Variants in PRPF6 observed in about 807,000 individuals in gnomAD.
PRPF6 encodes pre-mRNA processing factor 6, also known as pre-mRNA-processing factor 6.
Under a neutral mutation model 118.3 loss-of-function variants are expected in PRPF6, and 42 were observed. The ratio of observed to expected loss-of-function variants is 0.35; its 90% CI spans 0.28 to 0.46. The LOEUF is 0.46. PRPF6 is among the 20% of genes least tolerant of loss of function. The pLI is 1.00. For missense variants in PRPF6, 662 were observed against 1,255.7 expected (o/e 0.53, Z 7.15); for synonymous variants, 481 against 485.1 (o/e 0.99, Z 0.11).
chr20:64,028,493 G>T lies in PRPF6; in HGVS notation c.2355G>T (p.Arg785=), dbSNP rs2059301390. 1 of 1,613,914 alleles carries T rather than the reference G, an allele frequency of 6.2e-7. No individual in the cohort carries two copies. Among genetic ancestry groups the T allele is most frequent in the Non-Finnish European group, 8.5e-7 (1 of 1,180,002 alleles). ...GTCTCCTCAGGTTGGAGTCCGTGCG[G>T]CTGGAGTACCGTGCGGGGCTGAAGA... ...KNPGLWLESV[R]LEYRAGLKNI... is the part of the protein sequence containing the mutation. Residue 785 remains arginine (R), a synonymous_variant, in exon 18 of 21, where the codon CGG becomes CGT. Transcript: ENST00000266079. This position sits in a 1 kb window ranked among gnomAD's most constrained non-coding sequence, Gnocchi z 6.5.
At chr20:63,987,680 T>C (rs2059100720) in intron 3 of PRPF6, among the ~76,000 whole-genome samples, 1 of 152,368 alleles carries the variant, frequency 6.6e-6, no homozygotes, top group Non-Finnish European at 1.5e-5. Context: ...TGTTTGCAGA[T>C]GATATGATCT....
chr20:63,990,374 A>G (rs777915527), intron 3 of PRPF6, among the ~76,000 whole-genome samples: 6 of 152,024 alleles, frequency 3.9e-5, no homozygotes, highest in East Asian at 1.9e-4. Context: ...ACATAAGTCA[A>G]TGTGCCTGGC....
chr20:63,993,339 G>T, intron 3 of PRPF6, 68 bp from the exon 4 acceptor site: 2 of 1,133,976 alleles, frequency 1.8e-6, no homozygotes, highest in Admixed American at 1.8e-5. Context: ...ATTTAATTGA[G>T]ATGGATAATA....
chr20:64,023,804 G>T (rs567308669), intron 13 of PRPF6, among the ~76,000 whole-genome samples: 3 of 152,324 alleles, frequency 2.0e-5, no homozygotes, highest in African/African-American at 7.2e-5. Context: ...CCCGTGACCT[G>T]AATATGAACT....
intron 3 of PRPF6, among the ~76,000 whole-genome samples, chr20:63,986,109 G>A (rs1256148596): frequency 6.6e-6 from 1 of 152,012 alleles, no homozygotes; most frequent in African/African-American, 2.4e-5. Flanking sequence ...CGAGGTGGGC[G>A]GATGATGGGT....
At position 63,995,817 on chromosome 20, in the gene PRPF6, C is replaced by T. The variant is rs542531022; in HGVS notation, c.771+335C>T. Among the ~76,000 whole-genome samples the T allele has an allele frequency of 2.6e-3, 400 of 151,876 alleles. 2 individuals carry two copies. Among genetic ancestry groups the T allele is most frequent in the African/African-American group, 9.3e-3 (386 of 41,428 alleles). On this transcript the variant is annotated intron_variant, in intron 6 of 20. Coordinates refer to ENST00000266079, the MANE Select transcript of PRPF6 (RefSeq NM_012469.4). ...GATTACAGGTGCCCACCACCACACC[C>T]GGCTAATTTTTGTATTTTTTGTAGA...
At chr20:63,997,350 G>T (rs2059145112) in intron 6 of PRPF6, among the ~76,000 whole-genome samples, 1 of 149,040 alleles carries the variant, frequency 6.7e-6, no homozygotes, top group South Asian at 2.1e-4. Context: ...GAGTTCAATG[G>T]CATGGTCTTG....
rs1357213605 is a variant in PRPF6, at chr20:64,027,583, C to G, written c.2206-20C>G. On this transcript the variant is annotated intron_variant, in intron 16 of 20. Coordinates refer to ENST00000266079, the MANE Select transcript of PRPF6 (RefSeq NM_012469.4). This position sits in a 1 kb window ranked among gnomAD's most constrained non-coding sequence, Gnocchi z 6.5. The stretch of plus-strand genomic sequence containing the variant: ...CTTCATAGACACCACCTGAGCTGCT[C>G]TCTTACTTGTTGGTTGCAGTTGAAG... 2.5e-6 allele frequency: 4 copies of G among 1,614,078 alleles called. No homozygotes were observed. The highest frequency in any genetic ancestry group is 1.3e-5 in the African/African-American group (1 of 75,060).
intron 9 of PRPF6, among the ~76,000 whole-genome samples, chr20:64,003,541 GA>G (rs1365159993): frequency 3.3e-5 from 5 of 152,178 alleles, no homozygotes; most frequent in Non-Finnish European, 7.3e-5. Flanking sequence ...TTCCTCTGTC[GA>G]GGCTGGTTTC....
chr20:63,991,732 G>C (rs2059119622), intron 3 of PRPF6, among the ~76,000 whole-genome samples: 1 of 152,042 alleles, frequency 6.6e-6, no homozygotes. Context: ...GGAGGTTGCA[G>C]TGAGCTGAGA....
At chr20:63,982,263 C>T (rs949788998) in intron 1 of PRPF6, among the ~76,000 whole-genome samples, 4 of 152,138 alleles carry the variant, frequency 2.6e-5, no homozygotes, top group African/African-American at 9.7e-5. Flanking sequence ...ATCTCTGCCC[C>T]CCGGGTTCAA....
intron 9 of PRPF6, among the ~76,000 whole-genome samples, chr20:64,002,492 T>C (rs6062604): frequency 0.75 from 113,460 of 151,500 alleles, 43,574 homozygotes; most frequent in East Asian, 0.96. Flanking sequence ...TGCGCCTCCA[T>C]GCCTGGCCAA....
chr20:64,030,837 G>A (rs1361614858), intron 19 of PRPF6, among the ~76,000 whole-genome samples: 5 of 152,206 alleles, frequency 3.3e-5, no homozygotes, highest in Non-Finnish European at 5.9e-5. Flanking sequence ...AAATTATTCC[G>A]TTTGGCAACT....
intron 3 of PRPF6, among the ~76,000 whole-genome samples, chr20:63,989,591 C>T (rs2059109748): frequency 6.6e-6 from 1 of 152,010 alleles, no homozygotes; most frequent in African/African-American, 2.4e-5. Context: ...TCTTGGCTCA[C>T]TGCAACCTCT....
intron 9 of PRPF6, among the ~76,000 whole-genome samples, chr20:64,004,589 G>T (rs1188482780): frequency 6.6e-6 from 1 of 152,210 alleles, no homozygotes; most frequent in Non-Finnish European, 1.5e-5. Flanking sequence ...TTAGTCCTTT[G>T]TTGGGAGAAT....
chr20:64,001,277 G>A, intron 9 of PRPF6, 38 bp downstream of exon 9: 1 of 1,612,238 alleles, frequency 6.2e-7, no homozygotes, highest in South Asian at 1.1e-5. Context: ...CTCCCTCCTT[G>A]GGGCCCCTCC....
chr20:64,017,538 G>A (rs1484642935), intron 12 of PRPF6, among the ~76,000 whole-genome samples: 6 of 141,920 alleles, frequency 4.2e-5, no homozygotes, highest in African/African-American at 5.4e-5. Flanking sequence ...GGCGTGAGCC[G>A]CCGCGCCCGG....
At chr20:64,002,014 G>GTTTTTTTTTTTTTTTTTTTTTTT (rs386394238) in intron 9 of PRPF6, among the ~76,000 whole-genome samples, 1 of 83,242 alleles carries the variant, frequency 1.2e-5, no homozygotes. Context: ...TTTTTTTCTG[G>GTTTTTTTTTTTTTTTTTTTTTTT]TTTTTTTTTT....
chr20:64,026,121 G>A lies in PRPF6; in HGVS notation c.2028+63G>A, dbSNP rs1052606736. ...CATGGTGTGCACATGCGGGCCCCAC[G>A]CCTGGCTTGGGTGGTGATGGGAGTG... On this transcript the variant is annotated intron_variant, in intron 15 of 20. Coordinates refer to ENST00000266079, the MANE Select transcript of PRPF6 (RefSeq NM_012469.4). This position sits in a 1 kb window ranked among gnomAD's most constrained non-coding sequence, Gnocchi z 4.4. The A allele has an allele frequency of 6.9e-6, 11 of 1,592,938 alleles. No homozygotes were observed. In the African/African-American group the frequency reaches 9.4e-5, roughly 14 times the overall value.
Sources: allele counts gnomAD v4.1 joint callset (sites outside exome capture counted in the v4.1 genomes callset), GRCh38; gene constraint gnomAD v4.1.1; non-coding constraint Gnocchi (gnomAD v3.1); transcripts MANE v1.5; gene names NCBI Gene and HGNC (gene_info 2026-07-23, HGNC 2026-07-21).